Variants in KBTBD3 observed in about 807,000 individuals in gnomAD.
KBTBD3 encodes the protein kelch repeat and BTB domain-containing protein 3.
A neutral mutation model predicts 49.6 loss-of-function variants in KBTBD3; 38 were observed. The observed-to-expected ratio is 0.77, with a 90% CI of 0.59 to 1.00. The LOEUF is 1.00. KBTBD3 is among the 50% of genes least tolerant of loss of function. KBTBD3 has a pLI of 0.00. For missense variants in KBTBD3, 661 were observed against 712.0 expected (o/e 0.93, Z 0.81); for synonymous variants, 214 against 250.4 (o/e 0.85, Z 1.37).
intron 2 of KBTBD3, among the ~76,000 whole-genome samples, chr11:106,068,179 A>C (rs1275091503): frequency 6.6e-6 from 1 of 152,176 alleles, no homozygotes. Context: ...CTTCTCTCTA[A>C]AATTAATAGA....
chr11:106,074,373 T>C (rs1175645118), intron 2 of KBTBD3, among the ~76,000 whole-genome samples: 1 of 152,210 alleles, frequency 6.6e-6, no homozygotes, highest in Non-Finnish European at 1.5e-5. Context: ...TAAAATTCCT[T>C]TCTTTTACTC....
At chr11:106,064,374 C>T (rs1229218983) in intron 2 of KBTBD3, among the ~76,000 whole-genome samples, 14 of 151,644 alleles carry the variant, frequency 9.2e-5, no homozygotes, top group Non-Finnish European at 1.2e-4. Context: ...GGTGAAACCC[C>T]GTCTCTATGA....
At position 106,072,789 on chromosome 11, in the gene KBTBD3, C is replaced by G. The variant is rs1397213830; in HGVS notation, c.-13+3718G>C. Among the ~76,000 whole-genome samples, 4 of 152,022 alleles carry G rather than the reference C, an allele frequency of 2.6e-5. No individual in the cohort carries two copies. In the East Asian group the frequency reaches 7.7e-4, roughly 29 times the overall value. ...TTTCAATATACAGCATGATTTCTGG[C>G]CTATTTTAGTAAATATTTATTATAG... On this transcript the variant is annotated intron_variant, in intron 2 of 3. Coordinates refer to ENST00000531837, the MANE Select transcript of KBTBD3 (RefSeq NM_198439.3).
chr11:106,072,507 C>T (rs1860938944), intron 2 of KBTBD3, among the ~76,000 whole-genome samples: 1 of 152,132 alleles, frequency 6.6e-6, no homozygotes, highest in Admixed American at 6.5e-5. Flanking sequence ...GAAACACCTT[C>T]CTGCCCAAAA....
rs1591532746 is a variant in KBTBD3 at position 106,053,965 on chromosome 11, T to C, written c.724A>G (p.Arg242Gly). 1.9e-6 allele frequency: 3 copies of C among 1,613,914 alleles called. No individual in the cohort carries two copies. In the African/African-American group the frequency reaches 4.0e-5, roughly 22 times the overall value. The change falls in exon 4 of 4, where the codon AGA becomes GGA. Residue 242 changes from arginine (R) to glycine (G), a missense_variant. By Grantham distance (125) the Arg-to-Gly change is moderately radical. Coordinates refer to ENST00000531837, the MANE Select transcript of KBTBD3 (RefSeq NM_198439.3). ...KYLPHLIEKVRLHQLSEETLQ... is the reference protein window; with the variant it reads ...KYLPHLIEKVGLHQLSEETLQ... ...GTCTCCTCAGATAACTGATGTAATC[T>C]CACTTTTTCAATCAAATGAGGCAGA...
At chr11:106,074,908 T>C (rs1860998944) in intron 2 of KBTBD3, among the ~76,000 whole-genome samples, 1 of 152,234 alleles carries the variant, frequency 6.6e-6, no homozygotes, top group South Asian at 2.1e-4. Context: ...TTCAAATAAG[T>C]CTTGGGGGAA....
At chr11:106,065,015 A>C (rs938318245) in intron 2 of KBTBD3, among the ~76,000 whole-genome samples, 1 of 152,236 alleles carries the variant, frequency 6.6e-6, no homozygotes, top group Non-Finnish European at 1.5e-5. Context: ...GATTAGAATA[A>C]TAGATGTTGG....
intron 1 of KBTBD3, 139 bp from the exon 2 acceptor site, chr11:106,076,846 T>C (rs1489651990): frequency 4.6e-5 from 7 of 152,244 alleles, no homozygotes; most frequent in Non-Finnish European, 1.0e-4. Context: ...AACAATGGAA[T>C]CCTGTTTTCT....
intron 3 of KBTBD3, among the ~76,000 whole-genome samples, chr11:106,057,244 G>GT (rs1260993966): frequency 6.6e-6 from 1 of 151,744 alleles, no homozygotes; most frequent in African/African-American, 2.4e-5. Flanking sequence ...TTAGATGGTG[G>GT]TAAAAAAAAA....
intron 2 of KBTBD3, among the ~76,000 whole-genome samples, chr11:106,071,962 A>T (rs187518794): frequency 6.6e-6 from 1 of 152,326 alleles, no homozygotes; most frequent in East Asian, 1.9e-4. Context: ...TTTATAAGGC[A>T]ATTATTTTTC....
chr11:106,059,398 A>G (rs549077755), intron 2 of KBTBD3, among the ~76,000 whole-genome samples: 1 of 152,342 alleles, frequency 6.6e-6, no homozygotes, highest in South Asian at 2.1e-4. Context: ...AATAGCTTAT[A>G]TAGGATTTCA....
intron 2 of KBTBD3, among the ~76,000 whole-genome samples, chr11:106,065,723 G>A (rs1451258041): frequency 6.6e-6 from 1 of 152,092 alleles, no homozygotes; most frequent in Non-Finnish European, 1.5e-5. Flanking sequence ...CACTTTGGGG[G>A]GCTGAGGCAG....
intron 2 of KBTBD3, among the ~76,000 whole-genome samples, chr11:106,065,547 T>C (rs1480401950): frequency 6.6e-6 from 1 of 152,182 alleles, no homozygotes; most frequent in African/African-American, 2.4e-5. Flanking sequence ...TTGTCACCTA[T>C]ATCATCAAAA....
intron 2 of KBTBD3, among the ~76,000 whole-genome samples, chr11:106,062,982 C>G (rs1056955284): frequency 5.9e-5 from 9 of 152,186 alleles, no homozygotes; most frequent in African/African-American, 9.6e-5. Context: ...CATGTTTTCT[C>G]TTCTTTTCTA....
intron 2 of KBTBD3, among the ~76,000 whole-genome samples, chr11:106,072,838 G>A (rs989875487): frequency 2.6e-5 from 4 of 152,074 alleles, no homozygotes; most frequent in East Asian, 1.9e-4. Flanking sequence ...GACAAGCACC[G>A]AATTAGGCAC....
In KBTBD3 at chr11:106,057,825, C is replaced by T. The variant is rs1039392736; in HGVS notation, c.233+1040G>A. 36 of 369,560 alleles carry T rather than the reference C, an allele frequency of 9.7e-5. No homozygotes were observed. The East Asian group carries it at 1.1e-3, about 12-fold the overall frequency. The allele number at this position is 369,560 out of a possible 1,614,324, so 22.9% of individuals were successfully genotyped here. On this transcript the variant is annotated intron_variant, in intron 3 of 3. Transcript: ENST00000531837. ...TAAATCGGTTAGACCCTCCTCTCCC[C>T]GTAATACATGAATACAACACAGGAC... is the stretch of plus-strand genomic sequence containing the variant.
intron 1 of KBTBD3, among the ~76,000 whole-genome samples, 169 bp downstream of exon 1, chr11:106,077,143 G>A (rs1350949660): frequency 6.6e-6 from 1 of 152,132 alleles, no homozygotes; most frequent in Non-Finnish European, 1.5e-5. Context: ...CACAACTGCA[G>A]GGGGCACCAC....
chr11:106,057,559 A>G (rs900369663), intron 3 of KBTBD3: 4 of 152,414 alleles, frequency 2.6e-5, no homozygotes, highest in Admixed American at 2.6e-4. Flanking sequence ...CAGTAATTGC[A>G]AGGTCATGTG....
intron 2 of KBTBD3, among the ~76,000 whole-genome samples, chr11:106,073,124 T>C (rs372926516): frequency 5.8e-4 from 88 of 152,232 alleles, no homozygotes; most frequent in Non-Finnish European, 1.1e-3. Context: ...GACAGGGTCT[T>C]GCTGTGTCAC....
Sources: gnomAD v4.1 joint callset for allele counts (sites outside exome capture counted in the v4.1 genomes callset) on GRCh38, gnomAD v4.1.1 for gene constraint, MANE v1.5 for transcripts, NCBI Gene and HGNC (gene_info 2026-07-23, HGNC 2026-07-21) for gene names.